GSE1: variants seen among roughly 807,000 people sequenced by gnomAD.
GSE1 encodes genetic suppressor element 1.
GSE1 carries 32 observed loss-of-function variants against 112.6 expected under a neutral mutation model. The ratio of observed to expected loss-of-function variants is 0.28; its 90% CI spans 0.21 to 0.38. The LOEUF (loss-of-function observed/expected upper bound fraction) is 0.38, where lower values mean the gene tolerates loss of function less well. GSE1 is among the 10% of genes least tolerant of loss of function. GSE1 has a pLI of 1.00. For synonymous variants in GSE1, 1,115 were observed against 735.6 expected, an observed-to-expected ratio of 1.52 and a Z score of -8.35; for missense variants, 2,348 against 1,699.2, an observed-to-expected ratio of 1.38 and a Z score of -6.71.
chr16:85,319,841 A>T (rs1326120677), intron 1 of GSE1, among the ~76,000 whole-genome samples: 1 of 152,138 alleles, frequency 6.6e-6, no homozygotes, highest in African/African-American at 2.4e-5. Flanking sequence ...AACATCCTTG[A>T]ACTGAACTGA....
chr16:85,196,058 T>C (rs754349640), intron 1 of GSE1, among the ~76,000 whole-genome samples: 1 of 152,016 alleles, frequency 6.6e-6, no homozygotes, highest in African/African-American at 2.4e-5. Context: ...CTGCAAAACA[T>C]GTGAGTATTC....
intron 2 of GSE1, among the ~76,000 whole-genome samples, chr16:85,499,338 T>G (rs1294638228): frequency 1.7e-5 from 2 of 118,010 alleles, no homozygotes; most frequent in South Asian, 3.0e-4. Flanking sequence ...TGAGACAGAG[T>G]CTCACTCAGT....
chr16:85,629,244 T>A (rs2049339290), intron 1 of GSE1, among the ~76,000 whole-genome samples: 1 of 152,246 alleles, frequency 6.6e-6, no homozygotes, highest in East Asian at 1.9e-4. Flanking sequence ...GGGTATTTCT[T>A]TATAGCAACA....
chr16:85,182,277 G>C (rs373882717), intron 1 of GSE1, among the ~76,000 whole-genome samples: 1 of 152,212 alleles, frequency 6.6e-6, no homozygotes, highest in Non-Finnish European at 1.5e-5. Context: ...TGTACCTGGT[G>C]GACCCCAGGG....
At chr16:85,548,854 A>G (rs956267678) in intron 2 of GSE1, among the ~76,000 whole-genome samples, 1 of 152,116 alleles carries the variant, frequency 6.6e-6, no homozygotes, top group Non-Finnish European at 1.5e-5. Context: ...CAGTGGCTCG[A>G]TCTCGGCTCA....
intron 2 of GSE1, among the ~76,000 whole-genome samples, chr16:85,522,665 G>A (rs1032706344): frequency 3.3e-5 from 5 of 152,208 alleles, no homozygotes; most frequent in Admixed American, 6.5e-5. Context: ...GGCCGGCTCC[G>A]AGTCCGTGAG....
intron 2 of GSE1, among the ~76,000 whole-genome samples, chr16:85,388,008 A>G (rs1037832515): frequency 1.4e-5 from 2 of 147,408 alleles, no homozygotes; most frequent in South Asian, 2.2e-4. Flanking sequence ...GGATGGATGG[A>G]TGGATGGATG....
chr16:85,181,765 T>C lies in GSE1; in HGVS notation c.2283+9958T>C, dbSNP rs557177148. 5.9e-5 allele frequency among the ~76,000 whole-genome samples: 9 copies of C among 152,272 alleles called. No individual in the cohort carries two copies. The East Asian group carries it at 1.4e-3, about 23-fold the overall frequency. The stretch of plus-strand genomic sequence containing the variant: ...GACACGACAGGACTGGCCATGGGGC[T>C]GGGACGGGTCCTGGGGTCCAGACCC... On this transcript the variant is annotated intron_variant, in intron 1 of 2. Coordinates refer to the GSE1 transcript ENST00000637419.
chr16:85,227,214 C>G (rs2075504626), intron 1 of GSE1, among the ~76,000 whole-genome samples: 1 of 152,190 alleles, frequency 6.6e-6, no homozygotes, highest in South Asian at 2.1e-4. Flanking sequence ...AACAAAACAG[C>G]CCCTGCTATC....
At chr16:85,204,027 C>T (rs1200253923) in intron 1 of GSE1, among the ~76,000 whole-genome samples, 1 of 152,216 alleles carries the variant, frequency 6.6e-6, no homozygotes, top group African/African-American at 2.4e-5. Flanking sequence ...GCCTCGGCCT[C>T]CCAAAGTGCT....
intron 1 of GSE1, among the ~76,000 whole-genome samples, chr16:85,211,099 T>G (rs550337681): frequency 9.2e-5 from 14 of 152,300 alleles, no homozygotes; most frequent in Admixed American, 8.5e-4. Context: ...GTGCCTCCTG[T>G]TTGCAGACAC....
chr16:85,525,726 A>G (rs1312461781), intron 2 of GSE1, among the ~76,000 whole-genome samples: 2 of 152,190 alleles, frequency 1.3e-5, no homozygotes, highest in East Asian at 3.9e-4. Flanking sequence ...GTCTGGGCTC[A>G]AATCCTATCT....
intron 1 of GSE1, among the ~76,000 whole-genome samples, chr16:85,174,259 A>G (rs1323310022): frequency 6.6e-6 from 1 of 152,224 alleles, no homozygotes; most frequent in Non-Finnish European, 1.5e-5. Flanking sequence ...TTGGATTTGA[A>G]GTTGAAGGCT....
At chr16:85,199,022 A>G (rs1009411742) in intron 1 of GSE1, among the ~76,000 whole-genome samples, 3 of 151,344 alleles carry the variant, frequency 2.0e-5, no homozygotes, top group African/African-American at 7.3e-5. Flanking sequence ...TTGGTTCACC[A>G]CAACCTCTGC....
At chr16:85,214,988 C>T (rs2075285513) in intron 1 of GSE1, among the ~76,000 whole-genome samples, 1 of 152,188 alleles carries the variant, frequency 6.6e-6, no homozygotes, top group Non-Finnish European at 1.5e-5. Context: ...TGGGTGGAGA[C>T]ACAATGCCAG....
At chr16:85,186,925 C>A (rs566719132) in intron 1 of GSE1, among the ~76,000 whole-genome samples, 1 of 152,262 alleles carries the variant, frequency 6.6e-6, no homozygotes, top group Non-Finnish European at 1.5e-5. Context: ...ACAGGACCCT[C>A]TGACGGGTGT....
At chr16:85,359,330 TCTCTCCCACAGCTTTGGGCAGAGCC>T (rs2047016577) in intron 2 of GSE1, 1 of 452,818 alleles carries the variant, frequency 2.2e-6, no homozygotes, top group East Asian at 7.0e-5. Context: ...TCTCACCGTT[TCTCTCCCACAGCTTTGGGCAGAGCC>T]CTGCCCCAGG....
chr16:85,295,805 G>C (rs2045350307), intron 1 of GSE1, among the ~76,000 whole-genome samples: 1 of 146,420 alleles, frequency 6.8e-6, no homozygotes, highest in South Asian at 2.1e-4. Context: ...GGGTCTCTCT[G>C]TGTTGCCCAG....
intron 2 of GSE1, among the ~76,000 whole-genome samples, chr16:85,422,677 C>CGAGAGGA (rs2048878120): frequency 1.3e-5 from 2 of 151,540 alleles, no homozygotes; most frequent in South Asian, 4.2e-4. Context: ...CTGAAGGAGG[C>CGAGAGGA]GAGAGGAGAG....
Sources: gnomAD v4.1 joint callset for allele counts (sites outside exome capture counted in the v4.1 genomes callset) on GRCh38, gnomAD v4.1.1 for gene constraint, MANE v1.5 for transcripts, NCBI Gene and HGNC (gene_info 2026-07-23, HGNC 2026-07-21) for gene names.